Variants in CYTH1 observed in about 807,000 individuals in gnomAD.
CYTH1 encodes cytohesin 1.
In CYTH1, 18 loss-of-function variants were observed where a neutral mutation model predicts 61.8. That is an observed-to-expected ratio of 0.29 (90% CI 0.20 to 0.43). The LOEUF is 0.43. Ranked by LOEUF, CYTH1 falls within the 20% of genes least tolerant of loss-of-function variation. CYTH1 has a pLI of 1.00. For missense variants in CYTH1, 336 were observed against 510.5 expected (o/e 0.66, Z 3.29); for synonymous variants, 174 against 184.3 (o/e 0.94, Z 0.45).
At chr17:78,707,179 C>A (rs1338873918) in intron 3 of CYTH1, among the ~76,000 whole-genome samples, 1 of 152,134 alleles carries the variant, frequency 6.6e-6, no homozygotes, top group Non-Finnish European at 1.5e-5. Flanking sequence ...GAGGACTCAG[C>A]CTCACTATAC....
At chr17:78,726,753 G>T (rs969309830) in intron 1 of CYTH1, among the ~76,000 whole-genome samples, 1 of 152,076 alleles carries the variant, frequency 6.6e-6, no homozygotes, top group African/African-American at 2.4e-5. Context: ...AGTTGGGCGA[G>T]AGATAAAGAA....
At chr17:78,687,682 T>G (rs1049024807) in intron 11 of CYTH1, among the ~76,000 whole-genome samples, 4 of 152,232 alleles carry the variant, frequency 2.6e-5, no homozygotes, top group African/African-American at 9.6e-5. Context: ...TGTTCACTCA[T>G]CACCCCTGTA....
chr17:78,780,804 C>T (rs1473624845), intron 1 of CYTH1, among the ~76,000 whole-genome samples: 1 of 152,114 alleles, frequency 6.6e-6, no homozygotes, highest in Admixed American at 6.5e-5. Flanking sequence ...GTCAGAAGTT[C>T]AAGACCAGCC....
chr17:78,693,335 G>T (rs1316092315), intron 10 of CYTH1, among the ~76,000 whole-genome samples: 2 of 152,062 alleles, frequency 1.3e-5, no homozygotes, highest in Admixed American at 1.3e-4. Context: ...AAAACACTGG[G>T]GTCATGGCTA....
chr17:78,707,358 C>G (rs562056869), intron 3 of CYTH1, among the ~76,000 whole-genome samples: 1 of 152,062 alleles, frequency 6.6e-6, no homozygotes, highest in East Asian at 1.9e-4. Context: ...CAAAACTAAA[C>G]TCTCAAAGTC....
chr17:78,678,834 C>G (rs2092728475), intron 13 of CYTH1, among the ~76,000 whole-genome samples: 1 of 152,226 alleles, frequency 6.6e-6, no homozygotes. Context: ...GAAATGACCT[C>G]TATCACACAG....
chr17:78,727,282 T>G (rs1260756726), intron 1 of CYTH1, among the ~76,000 whole-genome samples: 1 of 152,222 alleles, frequency 6.6e-6, no homozygotes, highest in Non-Finnish European at 1.5e-5. Flanking sequence ...TCTCCCCTCC[T>G]TCTGTGTCCC....
intron 1 of CYTH1, among the ~76,000 whole-genome samples, chr17:78,747,912 A>C (rs1391113061): frequency 6.6e-6 from 1 of 152,214 alleles, no homozygotes; most frequent in Admixed American, 6.5e-5. Context: ...CTTTGATTAA[A>C]ATAAATTTCA....
At chr17:78,680,080 T>C (rs981664815) in intron 13 of CYTH1, 110 bp downstream of exon 13, 2 of 1,426,106 alleles carry the variant, frequency 1.4e-6, no homozygotes, top group African/African-American at 2.9e-5. Context: ...CCCTAAGAAC[T>C]TGGAGCACAG....
intron 11 of CYTH1, 106 bp from the exon 12 acceptor site, chr17:78,681,148 C>T: frequency 9.1e-7 from 1 of 1,096,114 alleles, no homozygotes; most frequent in South Asian, 1.4e-5. Flanking sequence ...TCTCCCAGGA[C>T]ATGAAGTTCA....
intron 1 of CYTH1, among the ~76,000 whole-genome samples, chr17:78,769,263 G>T (rs2093461225): frequency 6.7e-6 from 1 of 150,314 alleles, no homozygotes; most frequent in African/African-American, 2.5e-5. Flanking sequence ...CCCCATAACT[G>T]TCCCCCATTT....
At chr17:78,770,272 GA>G (rs1567885116) in intron 1 of CYTH1, among the ~76,000 whole-genome samples, 1 of 133,620 alleles carries the variant, frequency 7.5e-6, no homozygotes, top group Non-Finnish European at 1.5e-5. Flanking sequence ...GCAGTGAGTC[GA>G]AATTGTGCCA....
At chr17:78,744,287 T>C (rs1200400432) in intron 1 of CYTH1, among the ~76,000 whole-genome samples, 2 of 152,154 alleles carry the variant, frequency 1.3e-5, no homozygotes, top group African/African-American at 4.8e-5. Context: ...ACCACCCTCG[T>C]TTCCTTATCT....
intron 11 of CYTH1, among the ~76,000 whole-genome samples, chr17:78,683,114 T>C (rs2092780142): frequency 6.6e-6 from 1 of 152,220 alleles, no homozygotes; most frequent in South Asian, 2.1e-4. Flanking sequence ...ACTTCTACCA[T>C]GCTTTGAATT....
chr17:78,765,165 G>T (rs1195867088), intron 1 of CYTH1, among the ~76,000 whole-genome samples: 1 of 152,120 alleles, frequency 6.6e-6, no homozygotes, highest in Admixed American at 6.5e-5. Flanking sequence ...AGAGGGGCAT[G>T]GGTATCCCTG....
chr17:78,755,818 G>C (rs1320718931), intron 1 of CYTH1, among the ~76,000 whole-genome samples: 2 of 151,718 alleles, frequency 1.3e-5, no homozygotes, highest in Non-Finnish European at 2.9e-5. Context: ...GGCTGAGGTG[G>C]AAGGACTGCT....
intron 1 of CYTH1, among the ~76,000 whole-genome samples, chr17:78,751,457 G>C (rs1363990536): frequency 7.1e-6 from 1 of 141,068 alleles, no homozygotes; most frequent in African/African-American, 2.7e-5. Context: ...CAAGTCACCA[G>C]CAAAGGCACA....
At chr17:78,730,755 C>T (rs2093289393) in intron 1 of CYTH1, among the ~76,000 whole-genome samples, 1 of 151,730 alleles carries the variant, frequency 6.6e-6, no homozygotes, top group Non-Finnish European at 1.5e-5. Context: ...AGCTCCGCCT[C>T]CTGGGTTCAC....
chr17:78,707,533 C>A (rs117023195), intron 3 of CYTH1, among the ~76,000 whole-genome samples: 2 of 152,170 alleles, frequency 1.3e-5, no homozygotes, highest in African/African-American at 4.8e-5. Flanking sequence ...GAAATCGTAT[C>A]AGCAGCATTC....
Sources: gnomAD v4.1 joint callset for allele counts (sites outside exome capture counted in the v4.1 genomes callset) on GRCh38, gnomAD v4.1.1 for gene constraint, MANE v1.5 for transcripts, NCBI Gene and HGNC (gene_info 2026-07-23, HGNC 2026-07-21) for gene names.